The following ANKS1B variants were observed in gnomAD, a reference collection of about 807,000 sequenced individuals.
ANKS1B encodes the protein ankyrin repeat and sterile alpha motif domain containing 1B.
ANKS1B carries 36 observed loss-of-function variants against 148.3 expected under a neutral mutation model. The observed-to-expected ratio is 0.24, with a 90% confidence interval of 0.19 to 0.32. ANKS1B has a LOEUF of 0.32. Among genes scored for constraint, ANKS1B ranks in the 10% least tolerant of loss-of-function variants. The probability of loss-of-function intolerance (pLI) is 1.00; values close to 1 mark genes in which losing one functional copy is unlikely to be tolerated. For synonymous variants in ANKS1B, 542 were observed against 560.8 expected (o/e 0.97, Z 0.47); for missense variants, 1,157 against 1,542.6 (o/e 0.75, Z 4.19).
At chr12:99,731,914 CT>C (rs2059198106) in intron 8 of ANKS1B, among the ~76,000 whole-genome samples, 1 of 152,058 alleles carries the variant, frequency 6.6e-6, no homozygotes, top group South Asian at 2.1e-4. Context: ...AACCAGAAAT[CT>C]GATGAAGAAC....
chr12:98,775,701 T>G (rs543388994), intron 24 of ANKS1B, among the ~76,000 whole-genome samples: 1 of 152,148 alleles, frequency 6.6e-6, no homozygotes, highest in African/African-American at 2.4e-5. Context: ...ATCCACTTGC[T>G]TCAGCCTCCC....
At chr12:98,869,486 G>T (rs908403744) in intron 17 of ANKS1B, among the ~76,000 whole-genome samples, 5 of 152,142 alleles carry the variant, frequency 3.3e-5, no homozygotes, top group African/African-American at 1.2e-4. Flanking sequence ...ACAACCCGAA[G>T]ATATGCCTGA....
intron 8 of ANKS1B, among the ~76,000 whole-genome samples, chr12:99,701,310 T>C (rs2153520521): frequency 1.3e-5 from 2 of 152,276 alleles, no homozygotes; most frequent in East Asian, 3.9e-4. Context: ...AGGGAAATGC[T>C]AAACAATAGT....
chr12:98,864,951 CA>C (rs1362768462), intron 17 of ANKS1B, among the ~76,000 whole-genome samples: 13 of 152,122 alleles, frequency 8.5e-5, no homozygotes, highest in African/African-American at 2.7e-4. Flanking sequence ...ATACTGTTTT[CA>C]TCTTCAGCAT....
chr12:98,963,372 T>G (rs1168971473), intron 17 of ANKS1B, among the ~76,000 whole-genome samples: 2 of 152,016 alleles, frequency 1.3e-5, no homozygotes, highest in Non-Finnish European at 2.9e-5. Flanking sequence ...GAGATGGGGT[T>G]TCACCATGTA....
chr12:99,918,662 G>A (rs1384768970), intron 1 of ANKS1B, among the ~76,000 whole-genome samples: 5 of 152,120 alleles, frequency 3.3e-5, no homozygotes, highest in African/African-American at 4.8e-5. Flanking sequence ...AGTTGTCTTG[G>A]AGCAAAGCAT....
intron 4 of ANKS1B, among the ~76,000 whole-genome samples, chr12:99,802,438 A>G (rs1383079339): frequency 6.6e-6 from 1 of 152,064 alleles, no homozygotes; most frequent in East Asian, 1.9e-4. Context: ...TCTTACTTTG[A>G]CTGATTCTCT....
At chr12:99,881,986 T>C (rs2092532619) in intron 1 of ANKS1B, among the ~76,000 whole-genome samples, 2 of 152,188 alleles carry the variant, frequency 1.3e-5, no homozygotes, top group Non-Finnish European at 2.9e-5. Flanking sequence ...AGATGATACA[T>C]ATGTTAGAAT....
intron 1 of ANKS1B, among the ~76,000 whole-genome samples, chr12:99,856,813 G>A (rs918002368): frequency 6.6e-6 from 1 of 152,034 alleles, no homozygotes; most frequent in Non-Finnish European, 1.5e-5. Flanking sequence ...CACAGAAAAA[G>A]CATTTGACAA....
intron 8 of ANKS1B, among the ~76,000 whole-genome samples, chr12:99,688,964 T>TA (rs1424069149): frequency 2.6e-5 from 4 of 152,042 alleles, no homozygotes; most frequent in African/African-American, 7.2e-5. Context: ...CCATTGTGTA[T>TA]AAAAAAATTA....
At chr12:98,754,430 TGTA>T (rs1313701313) in intron 25 of ANKS1B, among the ~76,000 whole-genome samples, 1 of 152,198 alleles carries the variant, frequency 6.6e-6, no homozygotes, top group East Asian at 1.9e-4. Context: ...TTCCGACTTC[TGTA>T]GTCTCACAAT....
Position 99,651,475 on chromosome 12 carries a change from C to T in ANKS1B, c.1272+3592G>A, listed in dbSNP as rs569591227. On this transcript the variant is annotated intron_variant, in intron 9 of 26. Coordinates refer to ENST00000683438, the MANE Select transcript of ANKS1B (RefSeq NM_001352186.2). ...ATTGCAAACTCTTAACAGAGACCAA[C>T]TTTATCTTTATATTCAAGGACTGTC... 3.3e-5 allele frequency among the ~76,000 whole-genome samples: 5 copies of T among 152,250 alleles called. No individual in the cohort carries two copies. The South Asian group carries it at 1.0e-3, about 32-fold the overall frequency.
At chr12:99,050,690 C>CTTTTTTTTTT (rs62812561) in intron 17 of ANKS1B, among the ~76,000 whole-genome samples, 1 of 113,590 alleles carries the variant, frequency 8.8e-6, no homozygotes, top group Non-Finnish European at 1.7e-5. Flanking sequence ...TTTTCTTTTT[C>CTTTTTTTTTT]TTTTTTTTTT....
intron 14 of ANKS1B, among the ~76,000 whole-genome samples, chr12:99,164,003 C>A (rs1580641): frequency 2.6e-5 from 4 of 151,908 alleles, no homozygotes; most frequent in Non-Finnish European, 2.9e-5. Flanking sequence ...TATTTCCTTG[C>A]GGTTTTAATT....
intron 19 of ANKS1B, among the ~76,000 whole-genome samples, chr12:98,825,325 TG>T (rs1362867275): frequency 6.6e-6 from 1 of 152,240 alleles, no homozygotes; most frequent in Non-Finnish European, 1.5e-5. Context: ...GAGAAGTAAT[TG>T]ACCTAGTTGT....
intron 15 of ANKS1B, chr12:99,097,537 G>C (rs1308743655): frequency 1.3e-5 from 2 of 151,930 alleles, no homozygotes; most frequent in Non-Finnish European, 2.9e-5. Context: ...ATTATTCAAA[G>C]TATAATAATT....
At chr12:99,559,137 C>A (rs2097307080) in intron 9 of ANKS1B, among the ~76,000 whole-genome samples, 1 of 152,168 alleles carries the variant, frequency 6.6e-6, no homozygotes, top group African/African-American at 2.4e-5. Flanking sequence ...TCAATGCCTT[C>A]TCTCTGAAGA....
intron 12 of ANKS1B, among the ~76,000 whole-genome samples, chr12:99,370,061 T>C (rs956745831): frequency 6.8e-6 from 1 of 147,582 alleles, no homozygotes; most frequent in African/African-American, 2.5e-5. Flanking sequence ...AAGACCCTTA[T>C]AAGTGTGTAG....
At position 98,744,415 on chromosome 12, in the gene ANKS1B, C is replaced by T. The variant is rs1376097866; in HGVS notation, c.*1324G>A. On this transcript the variant is annotated 3_prime_UTR_variant, in exon 27 of 27. Transcript: ENST00000683438. ...ACAATTCCACAATTTATCAATATCG[C>T]TATAATGAACTTCAAAATGATTCAC... 12 of 852,452 alleles carry T rather than the reference C, an allele frequency of 1.4e-5. No individual in the cohort carries two copies. Among genetic ancestry groups the T allele is most frequent in the Admixed American group, 6.2e-5 (1 of 16,084 alleles). The allele number at this position is 852,452 out of a possible 1,614,324, so 52.8% of individuals were successfully genotyped here. A position where few individuals can be genotyped will look rare whatever the true frequency, so the allele number is the denominator to read the frequency against.
Sources: gnomAD v4.1 joint callset for allele counts (sites outside exome capture counted in the v4.1 genomes callset) on GRCh38, gnomAD v4.1.1 for gene constraint, MANE v1.5 for transcripts, NCBI Gene and HGNC (gene_info 2026-07-23, HGNC 2026-07-21) for gene names.